TMEM132C: variants seen among roughly 807,000 people sequenced by gnomAD.
TMEM132C encodes protein phosphatase 1, regulatory subunit 152.
TMEM132C carries 29 observed loss-of-function variants against 61.4 expected under a neutral mutation model. The ratio of observed to expected loss-of-function variants is 0.47; its 90% CI spans 0.35 to 0.64. TMEM132C has a LOEUF of 0.64. TMEM132C is among the 30% of genes least tolerant of loss of function. The pLI, the probability that TMEM132C is intolerant of heterozygous loss-of-function variation, is 0.00. For synonymous variants in TMEM132C, 656 were observed against 633.1 expected, an observed-to-expected ratio of 1.04 and a Z score of -0.54; for missense variants, 1,408 against 1,476.9, an observed-to-expected ratio of 0.95 and a Z score of 0.76.
rs761500336 is a variant in TMEM132C, at chr12:128,705,235, C to T, written c.2267C>T (p.Pro756Leu). ...CCCCAGCCCCGCTCTCCCAGGTGGC[C>T]CGTTGTGGTGGCCGAAGGGGAAGGC... is the stretch of plus-strand genomic sequence containing the variant. ...SVPQPRSPRW[P>L]VVVAEGEGQG... Residue 756 changes from proline (P) to leucine (L), a missense_variant, in exon 9 of 9, where the codon CCC (proline) becomes CTC (leucine). By Grantham distance (98) the Pro-to-Leu change is moderately conservative. Coordinates refer to ENST00000435159, the MANE Select transcript of TMEM132C (RefSeq NM_001136103.3). 3.2e-5 allele frequency: 49 copies of T among 1,551,572 alleles called. No homozygotes were observed. Among genetic ancestry groups the T allele is most frequent in the South Asian group, 7.1e-5 (6 of 84,066 alleles).
chr12:128,548,913 G>A (rs1002623390), intron 3 of TMEM132C, among the ~76,000 whole-genome samples: 2 of 152,252 alleles, frequency 1.3e-5, no homozygotes, highest in South Asian at 2.1e-4. Context: ...AGGAGGATGC[G>A]CATAGGTTGT....
intron 3 of TMEM132C, among the ~76,000 whole-genome samples, chr12:128,615,172 G>T (rs1040114221): frequency 2.0e-5 from 3 of 152,190 alleles, no homozygotes; most frequent in Admixed American, 6.5e-5. Flanking sequence ...CCCTATAGCA[G>T]AGGAGGACAA....
intron 3 of TMEM132C, among the ~76,000 whole-genome samples, chr12:128,592,995 T>C (rs1216375335): frequency 6.6e-6 from 1 of 152,108 alleles, no homozygotes; most frequent in African/African-American, 2.4e-5. Context: ...TCTTTCTTTC[T>C]CTCTCTCTTC....
chr12:128,469,349 C>T (rs1417378450), intron 2 of TMEM132C, among the ~76,000 whole-genome samples: 7 of 123,168 alleles, frequency 5.7e-5, no homozygotes, highest in Non-Finnish European at 1.1e-4. Context: ...TTTTTTTTGA[C>T]AGGATCTCAC....
chr12:128,456,283 C>T (rs1329255687), intron 2 of TMEM132C, among the ~76,000 whole-genome samples: 4 of 139,748 alleles, frequency 2.9e-5, no homozygotes, highest in African/African-American at 1.0e-4. Flanking sequence ...GTGGACTTTT[C>T]TTGTTTCATA....
chr12:128,397,913 C>G (rs1261743799), intron 1 of TMEM132C, among the ~76,000 whole-genome samples: 1 of 152,168 alleles, frequency 6.6e-6, no homozygotes, highest in African/African-American at 2.4e-5. Context: ...TCTGTGTGCT[C>G]CCTACAGAAG....
chr12:128,468,101 C>T (rs76375931), intron 2 of TMEM132C, among the ~76,000 whole-genome samples: 1,881 of 152,242 alleles, frequency 0.012, 40 homozygotes, highest in African/African-American at 0.042. Flanking sequence ...TGCTGAAGCT[C>T]AGCAGGTGTT....
At chr12:128,688,704 GA>G (rs1954696537) in intron 5 of TMEM132C, among the ~76,000 whole-genome samples, 1 of 152,188 alleles carries the variant, frequency 6.6e-6, no homozygotes, top group Non-Finnish European at 1.5e-5. Flanking sequence ...GAGAGAAAAA[GA>G]CAAATCAAGC....
intron 3 of TMEM132C, among the ~76,000 whole-genome samples, chr12:128,581,689 C>T (rs1032014137): frequency 6.6e-6 from 1 of 152,234 alleles, no homozygotes; most frequent in Admixed American, 6.5e-5. Context: ...TTCTCATCTT[C>T]TCTTTTTACT....
chr12:128,507,625 T>C (rs1044947302), intron 2 of TMEM132C, among the ~76,000 whole-genome samples: 1 of 152,124 alleles, frequency 6.6e-6, no homozygotes, highest in Non-Finnish European at 1.5e-5. Flanking sequence ...CTGGGCTGTT[T>C]TCAGGGCTGC....
chr12:128,301,876 C>T (rs12829351), intron 1 of TMEM132C, among the ~76,000 whole-genome samples: 37,357 of 152,018 alleles, frequency 0.25, 6,028 homozygotes, highest in Non-Finnish European at 0.34. Flanking sequence ...ACAATCATGG[C>T]GGAAGGCAAA....
chr12:128,504,519 T>A (rs1309847030), intron 2 of TMEM132C, among the ~76,000 whole-genome samples: 2 of 152,154 alleles, frequency 1.3e-5, no homozygotes, highest in East Asian at 3.9e-4. Context: ...ATTTATTCAT[T>A]TCTGGAGGCT....
intron 1 of TMEM132C, among the ~76,000 whole-genome samples, chr12:128,321,138 A>AAAAAAAAATAAT (rs369619722): frequency 4.9e-5 from 7 of 143,776 alleles, no homozygotes; most frequent in South Asian, 2.2e-4. Flanking sequence ...CATTTTTGAA[A>AAAAAAAAATAAT]AATAATAATA....
At chr12:128,676,538 A>G (rs1676649108) in intron 5 of TMEM132C, among the ~76,000 whole-genome samples, 1 of 152,258 alleles carries the variant, frequency 6.6e-6, no homozygotes, top group Non-Finnish European at 1.5e-5. Context: ...TTAGAGAATC[A>G]TTGTAAACAT....
intron 1 of TMEM132C, among the ~76,000 whole-genome samples, chr12:128,396,363 CATCACA>C (rs1874955646): frequency 7.0e-6 from 1 of 142,916 alleles, no homozygotes; most frequent in African/African-American, 2.8e-5. Context: ...GGGAGGGGAA[CATCACA>C]GACTGGGGCC....
chr12:128,411,146 T>G (rs1791830925), intron 1 of TMEM132C, among the ~76,000 whole-genome samples: 1 of 152,222 alleles, frequency 6.6e-6, no homozygotes, highest in South Asian at 2.1e-4. Flanking sequence ...ATGTCAATTT[T>G]GGTCACTTGG....
chr12:128,483,930 T>C (rs77211735), intron 2 of TMEM132C, among the ~76,000 whole-genome samples: 8,901 of 152,326 alleles, frequency 0.058, 834 homozygotes, highest in African/African-American at 0.2. Flanking sequence ...GATTACACTC[T>C]ACATTGCTGT....
At chr12:128,489,950 C>T (rs1275550878) in intron 2 of TMEM132C, among the ~76,000 whole-genome samples, 3 of 152,226 alleles carry the variant, frequency 2.0e-5, no homozygotes, top group East Asian at 1.9e-4. Context: ...CCACCAAAAT[C>T]GTTGTGTTTG....
At chr12:128,368,066 C>G (rs1873921407) in intron 1 of TMEM132C, among the ~76,000 whole-genome samples, 1 of 152,174 alleles carries the variant, frequency 6.6e-6, no homozygotes. Context: ...TTAGAAAAAG[C>G]TGATGCTTCT....
Sources: allele counts gnomAD v4.1 joint callset (sites outside exome capture counted in the v4.1 genomes callset), GRCh38; gene constraint gnomAD v4.1.1; transcripts MANE v1.5; gene names NCBI Gene and HGNC (gene_info 2026-07-23, HGNC 2026-07-21).